SART1: variants seen among roughly 807,000 people sequenced by gnomAD.
SART1 encodes the protein spliceosome associated factor 1, recruiter of U4/U6.U5 tri-snRNP, also known as U4/U6.U5 tri-snRNP-associated protein 1.
In SART1, 28 loss-of-function variants were observed where a neutral mutation model predicts 105.0. The observed-to-expected ratio is 0.27, with a 90% CI of 0.20 to 0.37. SART1 has a LOEUF of 0.37. SART1 is among the 10% of genes least tolerant of loss of function. The probability of loss-of-function intolerance (pLI) is 1.00; values close to 1 mark genes in which losing one functional copy is unlikely to be tolerated. For synonymous variants in SART1, 472 were observed against 462.9 expected (o/e 1.02, Z -0.25); for missense variants, 894 against 1,106.5 (o/e 0.81, Z 2.72).
In SART1 at chr11:65,978,956, G is replaced by T; in HGVS notation, c.2384+42G>T. The T allele has an allele frequency of 6.2e-7, 1 of 1,613,590 alleles. No individual in the cohort carries two copies. ...TGGTGGGGTAGGGTGTGGTGGGGAG[G>T]GGTGGCGTGGCCTGTGCCCGCCTCT... On this transcript the variant is annotated intron_variant, in intron 19 of 19. Coordinates refer to ENST00000312397, the MANE Select transcript of SART1 (RefSeq NM_005146.5). The surrounding 1 kb of genome is among the most constrained non-coding windows in gnomAD (Gnocchi z 6.8).
intron 1 of SART1, among the ~76,000 whole-genome samples, chr11:65,962,968 G>A (rs1855176627): frequency 6.6e-6 from 1 of 151,940 alleles, no homozygotes; most frequent in Admixed American, 6.6e-5. Flanking sequence ...GAGTAGGGAA[G>A]AGAAGCAGAT....
chr11:65,961,747 C>T lies in SART1; in HGVS notation c.-34C>T, dbSNP rs376513721. On this transcript the variant is annotated 5_prime_UTR_variant, in exon 1 of 20. Transcript: ENST00000312397. ...ATTCCCATTTTGCGTTGTCTGGGCT[C>T]GGCGGCAGCCGGGCTCGGAGTGGAC... The T allele has an allele frequency of 2.0e-6, 3 of 1,465,642 alleles. No individual in the cohort carries two copies. The highest frequency in any genetic ancestry group is 3.0e-5 in the African/African-American group (2 of 67,286). 90.8% of individuals were successfully genotyped at this position (1,465,642 alleles called of 1,614,324 possible).
intron 12 of SART1, among the ~76,000 whole-genome samples, chr11:65,971,763 C>G (rs1204639472): frequency 6.6e-6 from 1 of 151,972 alleles, no homozygotes; most frequent in Non-Finnish European, 1.5e-5. Flanking sequence ...TGTTGATTTC[C>G]CCCTGAGTCT....
In SART1 at chr11:65,961,893, A is replaced by G. The variant is rs1855149506; in HGVS notation, c.113A>G (p.His38Arg). The G allele has an allele frequency of 1.3e-6, 2 of 1,562,286 alleles. No homozygotes were observed. Among genetic ancestry groups the G allele is most frequent in the Non-Finnish European group, 1.7e-6 (2 of 1,153,838 alleles). ...CCGCGGCACCGGGAACACAAAAAACACAAGCACCGGAGTGGCGGCAGTGGC... is the reference window on the plus strand; with the variant it reads ...CCGCGGCACCGGGAACACAAAAAACGCAAGCACCGGAGTGGCGGCAGTGGC... ...QPPRHREHKK[H>R]KHRSGGSGGS... Residue 38 changes from histidine (H) to arginine (R), a missense_variant, in exon 1 of 20, where the codon CAC becomes CGC. His to Arg is a conservative substitution (Grantham distance 29). This residue lies in a region of SART1 where 712 missense variants were observed against 778.2 expected (regional missense o/e 0.91). Coordinates refer to ENST00000312397, the MANE Select transcript of SART1 (RefSeq NM_005146.5).
chr11:65,962,558 A>T (rs967682220), intron 1 of SART1, among the ~76,000 whole-genome samples: 17 of 151,862 alleles, frequency 1.1e-4, no homozygotes, highest in African/African-American at 4.1e-4. Context: ...GGAGTAAGAT[A>T]GACAGGGATG....
In SART1 at chr11:65,965,427, A is replaced by C; in HGVS notation, c.640A>C (p.Lys214Gln). Residue 214 changes from lysine (K) to glutamine (Q), a missense_variant, in exon 5 of 20, where the codon AAG becomes CAG. Physicochemically the swap from Lys to Gln is moderately conservative, Grantham distance 53. Around this residue, in one of 2 missense-constraint regions of SART1, gnomAD observed 712 missense variants for 778.2 expected, o/e 0.91. Transcript: ENST00000312397. ...IERSRQLQKE[K>Q]DLAEKRAKLL... ...GAGGAGCCGGCAGCTGCAGAAGGAGAAGGACCTGGCAGAGAAGAGGGTGAG... is the reference window on the plus strand; with the variant it reads ...GAGGAGCCGGCAGCTGCAGAAGGAGCAGGACCTGGCAGAGAAGAGGGTGAG... The C allele has an allele frequency of 1.3e-6, 2 of 1,560,292 alleles. No individual in the cohort carries two copies. The highest frequency in any genetic ancestry group is 1.7e-6 in the Non-Finnish European group (2 of 1,152,410).
In SART1 at chr11:65,978,958, G is replaced by A. The variant is rs774106761; in HGVS notation, c.2384+44G>A. On this transcript the variant is annotated intron_variant, in intron 19 of 19. Coordinates refer to ENST00000312397, the MANE Select transcript of SART1 (RefSeq NM_005146.5). The surrounding 1 kb of genome is among the most constrained non-coding windows in gnomAD (Gnocchi z 6.8). ...GTGGGGTAGGGTGTGGTGGGGAGGGGTGGCGTGGCCTGTGCCCGCCTCTGC... is the reference window on the plus strand; with the variant it reads ...GTGGGGTAGGGTGTGGTGGGGAGGGATGGCGTGGCCTGTGCCCGCCTCTGC... 1 of 1,613,600 alleles carries A rather than the reference G, an allele frequency of 6.2e-7. No homozygotes were observed. The highest frequency in any genetic ancestry group is 8.5e-7 in the Non-Finnish European group (1 of 1,179,890).
chr11:65,977,499 C>T (rs941951395), intron 15 of SART1, 64 bp from the exon 16 acceptor site: 7 of 1,427,456 alleles, frequency 4.9e-6, no homozygotes, highest in Non-Finnish European at 6.9e-6. Flanking sequence ...GCTCTGCCTT[C>T]TCAGGCGGCC....
At position 65,978,861 on chromosome 11, in the gene SART1, G is replaced by A; in HGVS notation, c.2331G>A (p.Lys777=). The A allele has an allele frequency of 6.2e-7, 1 of 1,614,096 alleles. No individual in the cohort carries two copies. Among genetic ancestry groups the A allele is most frequent in the Non-Finnish European group, 8.5e-7 (1 of 1,179,998 alleles). ...GTVALLQEKQ[K]AQKTPYIVLS... is the part of the protein sequence containing the mutation. ...TGGCCCTGCTCCAGGAGAAGCAGAA[G>A]GCTCAGAAGACCCCCTACATCGTGC... is the stretch of plus-strand genomic sequence containing the variant. Residue 777 remains lysine, a synonymous_variant, in exon 19 of 20, where the codon AAG becomes AAA. Transcript: ENST00000312397. This position sits in a 1 kb window ranked among gnomAD's most constrained non-coding sequence, Gnocchi z 6.8.
chr11:65,962,130 C>CTGGGGGGGGGGGGGGGGGGGGGG, intron 1 of SART1, 37 bp downstream of exon 1: 1 of 111,094 alleles, frequency 9.0e-6, no homozygotes, highest in Non-Finnish European at 1.6e-5. Flanking sequence ...GCGGGTCGGG[C>CTGGGGGGGGGGGGGGGGGGGGGG]GGGGGTCCCG....
In SART1 at chr11:65,976,292, G is replaced by T; in HGVS notation, c.1573-103G>T. ...AGCTGGGCCTGCATGGGCTGTGGGC[G>T]TGGCCTGTCTGGCTGCTGCCAGGGA... On this transcript the variant is annotated intron_variant, in intron 12 of 19. Transcript: ENST00000312397. This position sits in a 1 kb window ranked among gnomAD's most constrained non-coding sequence, Gnocchi z 5.1. The T allele has an allele frequency of 8.1e-7, 1 of 1,239,100 alleles. No individual in the cohort carries two copies. Among genetic ancestry groups the T allele is most frequent in the Non-Finnish European group, 1.1e-6 (1 of 917,576 alleles). The allele number at this position is 1,239,100 out of a possible 1,614,324, so 76.8% of individuals were successfully genotyped here.
At chr11:65,977,378 C>T (rs1462970023) in intron 15 of SART1, among the ~76,000 whole-genome samples, 185 bp from the exon 16 acceptor site, 1 of 152,182 alleles carries the variant, frequency 6.6e-6, no homozygotes, top group Admixed American at 6.5e-5. Context: ...CTGCCATTTC[C>T]CTGGCCAGTG....
chr11:65,964,587 G>A lies in SART1; in HGVS notation c.427+17G>A. The stretch of plus-strand genomic sequence containing the variant: ...TCAAGAAGGGTGAGTATGGGGCTGA[G>A]GATAGGGTTTGGGGGAAAGAGGCCA... On this transcript the variant is annotated intron_variant, in intron 3 of 19. Coordinates refer to ENST00000312397, the MANE Select transcript of SART1 (RefSeq NM_005146.5). The A allele has an allele frequency of 2.5e-6, 4 of 1,601,012 alleles. No individual in the cohort carries two copies. The highest frequency in any genetic ancestry group is 3.4e-6 in the Non-Finnish European group (4 of 1,176,502).
At chr11:65,975,816 G>A (rs1424114498) in intron 12 of SART1, among the ~76,000 whole-genome samples, 1 of 152,130 alleles carries the variant, frequency 6.6e-6, no homozygotes, top group Non-Finnish European at 1.5e-5. Context: ...TAATCATTGT[G>A]TGTGGCTGGG....
In SART1 at chr11:65,977,679, G is replaced by A. The variant is rs368847994; in HGVS notation, c.2036+26G>A. On this transcript the variant is annotated intron_variant, in intron 16 of 19. Transcript: ENST00000312397. ...GTGAGTGTGGTGGGGCCTGTGCAGG[G>A]CTGAGGGGCCTGTGCCAGCTTGGAG... 43 of 1,613,726 alleles carry A rather than the reference G, an allele frequency of 2.7e-5. No homozygotes were observed. The Middle Eastern group carries it at 8.2e-4, about 31-fold the overall frequency.
chr11:65,977,492 C>G, intron 15 of SART1, 71 bp from the exon 16 acceptor site: 3 of 1,334,992 alleles, frequency 2.2e-6, no homozygotes, highest in Non-Finnish European at 3.2e-6. Flanking sequence ...AGGGCCTGCT[C>G]TGCCTTCTCA....
At chr11:65,970,729 G>A (rs1467154443) in intron 12 of SART1, among the ~76,000 whole-genome samples, 1 of 150,378 alleles carries the variant, frequency 6.6e-6, no homozygotes, top group Admixed American at 6.7e-5. Context: ...AGGCCTGCCA[G>A]TGGCAGTGTG....
At chr11:65,969,755 G>C (rs142979429) in intron 12 of SART1, among the ~76,000 whole-genome samples, 1 of 151,850 alleles carries the variant, frequency 6.6e-6, no homozygotes, top group South Asian at 2.1e-4. Context: ...ACGGAGTCTC[G>C]CTCTGTCACC....
Position 65,976,987 on chromosome 11 carries a change from T to C in SART1, c.1858-27T>C. ...GCTGAGAAGAGCCGGTATGGCCTGC[T>C]AACCACCCCCGCCACGTGTCCCGTA... is the stretch of plus-strand genomic sequence containing the variant. On this transcript the variant is annotated intron_variant, in intron 14 of 19. Coordinates refer to ENST00000312397, the MANE Select transcript of SART1 (RefSeq NM_005146.5). The surrounding 1 kb of genome is among the most constrained non-coding windows in gnomAD (Gnocchi z 5.1). The C allele has an allele frequency of 6.3e-7, 1 of 1,595,946 alleles. No individual in the cohort carries two copies. Among genetic ancestry groups the C allele is most frequent in the Non-Finnish European group, 8.6e-7 (1 of 1,163,712 alleles).
Sources: allele counts gnomAD v4.1 joint callset (sites outside exome capture counted in the v4.1 genomes callset), GRCh38; gene constraint gnomAD v4.1.1; regional missense constraint gnomAD v4.1.1; non-coding constraint Gnocchi (gnomAD v3.1); transcripts MANE v1.5; gene names NCBI Gene and HGNC (gene_info 2026-07-23, HGNC 2026-07-21).